PRMT8: variants seen among roughly 807,000 people sequenced by gnomAD.
PRMT8 encodes the protein protein arginine methyltransferase 8, also known as protein arginine N-methyltransferase 8.
Under a neutral mutation model 47.1 loss-of-function variants are expected in PRMT8, and 7 were observed. The observed-to-expected ratio is 0.15, with a 90% CI of 0.08 to 0.28. The LOEUF (loss-of-function observed/expected upper bound fraction) is 0.28, where lower values mean the gene tolerates loss of function less well. Ranked by LOEUF, PRMT8 falls within the 10% of genes least tolerant of loss-of-function variation. The probability of loss-of-function intolerance (pLI) is 1.00; values close to 1 mark genes in which losing one functional copy is unlikely to be tolerated. For synonymous variants in PRMT8, 188 were observed against 186.5 expected, an observed-to-expected ratio of 1.01 and a Z score of -0.07; for missense variants, 237 against 505.4, an observed-to-expected ratio of 0.47 and a Z score of 5.09.
Position 3,540,810 on chromosome 12 carries a change from G to A in PRMT8, c.261+19G>A. Reference sequence around the variant, plus strand: ...CCACGAGGTAAAGTGTCCCGAGTGGGTGGCTAATGGGGCGAGGCTGACTCT... The same window carrying A: ...CCACGAGGTAAAGTGTCCCGAGTGGATGGCTAATGGGGCGAGGCTGACTCT... On this transcript the variant is annotated intron_variant, in intron 2 of 9. Transcript: ENST00000382622. 1.2e-6 allele frequency: 2 copies of A among 1,609,724 alleles called. No individual in the cohort carries two copies. Among genetic ancestry groups the A allele is most frequent in the East Asian group, 2.2e-5 (1 of 44,856 alleles).
intron 1 of PRMT8, among the ~76,000 whole-genome samples, chr12:3,388,226 T>C (rs1864160449): frequency 6.6e-6 from 1 of 152,112 alleles, no homozygotes; most frequent in Non-Finnish European, 1.5e-5. Flanking sequence ...TTTTGAAGAG[T>C]TCAAGCTTCT....
intron 1 of PRMT8, among the ~76,000 whole-genome samples, chr12:3,431,524 A>G (rs553340305): frequency 6.6e-6 from 1 of 151,986 alleles, no homozygotes; most frequent in East Asian, 1.9e-4. Context: ...AGACCTGGGG[A>G]CATGCATGTT....
intron 1 of PRMT8, among the ~76,000 whole-genome samples, chr12:3,444,994 G>T (rs745339873): frequency 6.6e-6 from 1 of 152,210 alleles, no homozygotes; most frequent in Non-Finnish European, 1.5e-5. Flanking sequence ...TGATGGGGAA[G>T]GGAGGGCTTT....
chr12:3,413,935 A>G (rs1591542431), intron 1 of PRMT8, among the ~76,000 whole-genome samples: 1 of 152,326 alleles, frequency 6.6e-6, no homozygotes, highest in Admixed American at 6.5e-5. Flanking sequence ...TTGAACAACG[A>G]CAGATTTTGG....
In PRMT8 at chr12:3,456,707, G is replaced by A. The variant is rs74057433; in HGVS notation, c.48+75265G>A. ...GAGCTAGTTTGGCCTGGAGGGGAGG[G>A]CAGTGAGGAACCCGTGAGAAGGGGC... On this transcript the variant is annotated intron_variant, in intron 1 of 9. Transcript: ENST00000452611. The surrounding 1 kb of genome is among the most constrained non-coding windows in gnomAD (Gnocchi z 4.2). 6.6e-6 allele frequency among the ~76,000 whole-genome samples: 1 copy of A among 152,288 alleles called. No homozygotes were observed. The highest frequency in any genetic ancestry group is 2.4e-5 in the African/African-American group (1 of 41,554).
chr12:3,445,131 A>G (rs1379131499), intron 1 of PRMT8, among the ~76,000 whole-genome samples: 1 of 152,234 alleles, frequency 6.6e-6, no homozygotes, highest in Non-Finnish European at 1.5e-5. Flanking sequence ...TAATCAGACC[A>G]AGTGTGTAAA....
chr12:3,381,362 G>C, exon 1 of PRMT8: 1 of 1,534,506 alleles, frequency 6.5e-7, no homozygotes, highest in Non-Finnish European at 8.7e-7. Flanking sequence ...TCTGCACCAG[G>C]GAGGCTTGCT....
chr12:3,404,836 T>G (rs943695798), intron 1 of PRMT8, among the ~76,000 whole-genome samples: 13 of 152,230 alleles, frequency 8.5e-5, no homozygotes, highest in African/African-American at 3.1e-4. Context: ...TGCATGCATA[T>G]AGATTTATAA....
Position 3,460,043 on chromosome 12 carries a change from C to A in PRMT8, c.48+78601C>A, listed in dbSNP as rs191422645. ...GGGAGGTTAAGCTGTGTGGATCTTA[C>A]TTTTCTATGATCCCTCTCTATCAAA... On this transcript the variant is annotated intron_variant, in intron 1 of 9. Transcript: ENST00000452611. Among the ~76,000 whole-genome samples the A allele has an allele frequency of 8.9e-3, 1,349 of 152,222 alleles. 6 individuals carry two copies. Among genetic ancestry groups the A allele is most frequent in the Non-Finnish European group, 0.014 (963 of 68,020 alleles).
intron 1 of PRMT8, among the ~76,000 whole-genome samples, chr12:3,441,624 T>C (rs1405668214): frequency 6.6e-6 from 1 of 152,200 alleles, no homozygotes; most frequent in Non-Finnish European, 1.5e-5. Flanking sequence ...AGGGAATTAA[T>C]GATGAGGGAC....
At chr12:3,459,484 C>A (rs997734824) in intron 1 of PRMT8, among the ~76,000 whole-genome samples, 1 of 152,210 alleles carries the variant, frequency 6.6e-6, no homozygotes, top group South Asian at 2.1e-4. Context: ...CTCCTGAAAG[C>A]CTCCTTTGAC....
chr12:3,448,919 G>A (rs1864887518), intron 1 of PRMT8, among the ~76,000 whole-genome samples: 1 of 152,100 alleles, frequency 6.6e-6, no homozygotes, highest in East Asian at 1.9e-4. Context: ...CCCAGTGTGT[G>A]CTATTCCCCT....
intron 1 of PRMT8, among the ~76,000 whole-genome samples, chr12:3,458,455 A>C (rs1865000341): frequency 6.6e-6 from 1 of 152,160 alleles, no homozygotes; most frequent in South Asian, 2.1e-4. Flanking sequence ...TGACGAGAGG[A>C]GGCACAGACA....
chr12:3,552,525 G>C lies in PRMT8; in HGVS notation c.418-1126G>C, dbSNP rs1040786736. 1.6e-5 allele frequency: 5 copies of C among 322,250 alleles called. No individual in the cohort carries two copies. The highest frequency in any genetic ancestry group is 3.1e-5 in the Non-Finnish European group (5 of 160,008). 20.0% of individuals were successfully genotyped at this position (322,250 alleles called of 1,614,324 possible). On this transcript the variant is annotated intron_variant, in intron 3 of 9. Coordinates refer to ENST00000382622, the MANE Select transcript of PRMT8 (RefSeq NM_019854.5). This position sits in a 1 kb window ranked among gnomAD's most constrained non-coding sequence, Gnocchi z 4.5. ...CATGGTCGCCTCTTGCAGATCAGAT[G>C]ATGACATGGCCAGAGGGGGAGAAGA...
At chr12:3,447,687 CTCCTT>C (rs1864873051) in intron 1 of PRMT8, among the ~76,000 whole-genome samples, 1 of 152,196 alleles carries the variant, frequency 6.6e-6, no homozygotes, top group Non-Finnish European at 1.5e-5. Flanking sequence ...TTGTCTCTCT[CTCCTT>C]CTAGACAATA....
intron 4 of PRMT8, among the ~76,000 whole-genome samples, chr12:3,559,177 G>A (rs1448778949): frequency 6.6e-6 from 1 of 152,044 alleles, no homozygotes; most frequent in East Asian, 1.9e-4. Flanking sequence ...TACTCAAATT[G>A]TCCCTGATTT....
At chr12:3,467,297 C>G (rs138012536) in intron 1 of PRMT8, among the ~76,000 whole-genome samples, 21 of 146,950 alleles carry the variant, frequency 1.4e-4, no homozygotes, top group Non-Finnish European at 3.0e-4. Flanking sequence ...TGAGTTCACA[C>G]GGCAGTGAGG....
chr12:3,569,627 G>A lies in PRMT8; in HGVS notation c.712+63G>A. 7.6e-7 allele frequency: 1 copy of A among 1,318,040 alleles called. No homozygotes were observed. Among genetic ancestry groups the A allele is most frequent in the South Asian group, 1.2e-5 (1 of 84,984 alleles). 81.6% of individuals were successfully genotyped at this position (1,318,040 alleles called of 1,614,324 possible). A position where few individuals can be genotyped will look rare whatever the true frequency, so the allele number is the denominator to read the frequency against. On this transcript the variant is annotated intron_variant, in intron 6 of 9. Transcript: ENST00000382622. This position sits in a 1 kb window ranked among gnomAD's most constrained non-coding sequence, Gnocchi z 8.2. Reference sequence around the variant, plus strand: ...CACAATTGGGGTGGGAGGCACTCCAGTGGGCCCGAGATGAGCAGGCAGTGA... The same window carrying A: ...CACAATTGGGGTGGGAGGCACTCCAATGGGCCCGAGATGAGCAGGCAGTGA...
At chr12:3,590,858 A>G (rs1407141594) in intron 8 of PRMT8, among the ~76,000 whole-genome samples, 2 of 152,184 alleles carry the variant, frequency 1.3e-5, no homozygotes, top group Admixed American at 1.3e-4. Flanking sequence ...TACCAAGCAC[A>G]GAGGCAGGCA....
Sources: gnomAD v4.1 joint callset for allele counts (sites outside exome capture counted in the v4.1 genomes callset) on GRCh38, gnomAD v4.1.1 for gene constraint, Gnocchi (gnomAD v3.1) non-coding constraint, MANE v1.5 for transcripts, NCBI Gene and HGNC (gene_info 2026-07-23, HGNC 2026-07-21) for gene names.